The following ACACA variants were observed in gnomAD, a reference collection of about 807,000 sequenced individuals.
ACACA encodes the protein acetyl-CoA carboxylase 1.
Under a neutral mutation model 296.1 loss-of-function variants are expected in ACACA, and 103 were observed. The observed-to-expected ratio is 0.35, with a 90% CI of 0.30 to 0.41. ACACA has a LOEUF of 0.41. Among genes scored for constraint, ACACA ranks in the 10% least tolerant of loss-of-function variants. ACACA has a pLI of 1.00. For missense variants in ACACA, 1,554 were observed against 2,989.7 expected (o/e 0.52, Z 11.20); for synonymous variants, 953 against 1,038.6 (o/e 0.92, Z 1.58).
intron 1 of ACACA, among the ~76,000 whole-genome samples, chr17:37,349,761 G>A (rs1275762538): frequency 9.3e-5 from 14 of 150,666 alleles, no homozygotes; most frequent in African/African-American, 2.4e-4. Flanking sequence ...ATTGCACCAC[G>A]TTGGCCAGGC....
Position 37,248,525 on chromosome 17 carries a change from C to T in ACACA, c.2163+68G>A, listed in dbSNP as rs750546736. ...CCCTGCATTAAATCAAACTTTTTCTCCTGCCTCTCAACCTAAAGAAAGATA... is the reference window on the plus strand; with the variant it reads ...CCCTGCATTAAATCAAACTTTTTCTTCTGCCTCTCAACCTAAAGAAAGATA... On this transcript the variant is annotated intron_variant, in intron 17 of 55. Coordinates refer to ENST00000616317, the MANE Select transcript of ACACA (RefSeq NM_198834.3). The T allele has an allele frequency of 5.3e-4, 658 of 1,231,528 alleles. 1 individual carries two copies. The highest frequency in any genetic ancestry group is 7.4e-4 in the Non-Finnish European group (617 of 834,514). The allele number at this position is 1,231,528 out of a possible 1,614,324, so 76.3% of individuals were successfully genotyped here.
chr17:37,332,369 C>T (rs772104830), intron 2 of ACACA, among the ~76,000 whole-genome samples: 8 of 151,590 alleles, frequency 5.3e-5, no homozygotes, highest in Non-Finnish European at 1.2e-4. Flanking sequence ...AAAACCCAAA[C>T]TAAATGAAAC....
chr17:37,216,162 T>C (rs866091092), intron 29 of ACACA, among the ~76,000 whole-genome samples: 1 of 102,084 alleles, frequency 9.8e-6, no homozygotes, highest in African/African-American at 4.6e-5. Flanking sequence ...ACACACAACA[T>C]ACACATGTTA....
At chr17:37,385,251 C>A (rs147951964) in intron 1 of ACACA, among the ~76,000 whole-genome samples, 2,330 of 152,204 alleles carry the variant, frequency 0.015, 23 homozygotes, top group Non-Finnish European at 0.023. Context: ...GTGGGCAGAT[C>A]ACTTGAGGTC....
chr17:37,272,841 T>C (rs2082126807), intron 9 of ACACA, among the ~76,000 whole-genome samples: 1 of 152,156 alleles, frequency 6.6e-6, no homozygotes, highest in African/African-American at 2.4e-5. Flanking sequence ...AAGATTTGTA[T>C]ATGATATAAA....
At chr17:37,337,415 C>CAA (rs71159702) in intron 2 of ACACA, among the ~76,000 whole-genome samples, 2,264 of 94,262 alleles carry the variant, frequency 0.024, 58 homozygotes, top group African/African-American at 0.079. Context: ...GACCCTGTCT[C>CAA]AAAAAAAAAA....
intron 1 of ACACA, among the ~76,000 whole-genome samples, chr17:37,359,425 G>A (rs1204978855): frequency 6.6e-6 from 1 of 151,496 alleles, no homozygotes; most frequent in African/African-American, 2.4e-5. Context: ...GGCCGCGGGC[G>A]GGCCGCGGGC....
intron 14 of ACACA, among the ~76,000 whole-genome samples, chr17:37,255,676 G>A (rs1315105778): frequency 6.6e-6 from 1 of 152,184 alleles, no homozygotes; most frequent in African/African-American, 2.4e-5. Flanking sequence ...TAGGAGCTGT[G>A]TTAACTACAA....
At chr17:37,278,886 G>A (rs1218265079) in intron 5 of ACACA, among the ~76,000 whole-genome samples, 1 of 151,978 alleles carries the variant, frequency 6.6e-6, no homozygotes, top group African/African-American at 2.4e-5. Flanking sequence ...TTTTAAAAAT[G>A]TAAGTTCCAG....
At chr17:37,235,157 C>T (rs2080050300) in intron 24 of ACACA, 58 bp from the exon 25 acceptor site, 2 of 1,594,730 alleles carry the variant, frequency 1.3e-6, no homozygotes, top group African/African-American at 1.3e-5. Context: ...CATTTACATG[C>T]TATTTGTTTT....
At position 37,174,001 on chromosome 17, in the gene ACACA, TATATATATATATATATATA is replaced by T. The variant is rs1365176647; in HGVS notation, c.5079+5240_5079+5258del. Among the ~76,000 whole-genome samples the T allele has an allele frequency of 3.9e-3, 47 of 12,008 alleles. 2 individuals are homozygous for T. The highest frequency in any genetic ancestry group is 0.029 in the East Asian group (13 of 454). 7.9% of individuals were successfully genotyped at this position (12,008 alleles called of 152,430 possible). ...GCTAATTTATATATATATATATATA[TATATATATATATATATATA>T]TTTTTTTTTTTTTTTTTTTTTGTAG... is the stretch of plus-strand genomic sequence containing the variant. On this transcript the variant is annotated intron_variant, in intron 41 of 55. Transcript: ENST00000616317.
At chr17:37,261,805 A>G (rs983967137) in intron 11 of ACACA, among the ~76,000 whole-genome samples, 83 of 152,334 alleles carry the variant, frequency 5.4e-4, no homozygotes, top group African/African-American at 2.0e-3. Flanking sequence ...GATAACTGCT[A>G]TGGACCAACG....
chr17:37,369,022 A>C (rs896809237), intron 1 of ACACA, among the ~76,000 whole-genome samples: 2 of 152,264 alleles, frequency 1.3e-5, no homozygotes, highest in African/African-American at 4.8e-5. Context: ...TTATGGCTAC[A>C]AACTGGAAAC....
intron 52 of ACACA, among the ~76,000 whole-genome samples, chr17:37,110,113 A>G (rs2142991965): frequency 6.6e-6 from 1 of 152,312 alleles, no homozygotes; most frequent in South Asian, 2.1e-4. Context: ...GAAAAAAAGG[A>G]AAAAGGAAAA....
At chr17:37,336,974 T>C (rs1244670162) in intron 2 of ACACA, among the ~76,000 whole-genome samples, 1 of 152,176 alleles carries the variant, frequency 6.6e-6, no homozygotes, top group African/African-American at 2.4e-5. Flanking sequence ...TTATAAATGC[T>C]AGAGTAGTGT....
At chr17:37,247,758 T>C in intron 18 of ACACA, 1 of 558,302 alleles carries the variant, frequency 1.8e-6, no homozygotes, top group African/African-American at 1.9e-5. Flanking sequence ...GTAAGAAACT[T>C]TTAACAATGG....
intron 40 of ACACA, 59 bp from the exon 41 acceptor site, chr17:37,179,465 A>G: frequency 1.3e-6 from 2 of 1,578,514 alleles, no homozygotes; most frequent in South Asian, 2.2e-5. Context: ...AGACAAAAAT[A>G]ATTATTAAGA....
chr17:37,201,396 T>C (rs1406401851), intron 33 of ACACA, among the ~76,000 whole-genome samples: 2 of 151,578 alleles, frequency 1.3e-5, no homozygotes, highest in African/African-American at 4.9e-5. Flanking sequence ...ATTGCATCAC[T>C]GTACTCCAGC....
intron 25 of ACACA, among the ~76,000 whole-genome samples, chr17:37,227,123 T>C (rs1200032710): frequency 6.6e-5 from 10 of 152,286 alleles, no homozygotes; most frequent in Admixed American, 1.3e-4. Context: ...ATAGAATCCA[T>C]GGTTTATTCA....
Sources: allele counts gnomAD v4.1 joint callset (sites outside exome capture counted in the v4.1 genomes callset), GRCh38; gene constraint gnomAD v4.1.1; transcripts MANE v1.5; gene names NCBI Gene and HGNC (gene_info 2026-07-23, HGNC 2026-07-21).